Variants in ERBB4 observed in about 807,000 individuals in gnomAD.
ERBB4 encodes the protein erb-b2 receptor tyrosine kinase 4.
ERBB4 carries 42 observed loss-of-function variants against 158.0 expected under a neutral mutation model. That is an observed-to-expected ratio of 0.27 (90% CI 0.21 to 0.34). The LOEUF (loss-of-function observed/expected upper bound fraction) is 0.34. ERBB4 is among the 10% of genes least tolerant of loss of function. ERBB4 has a pLI of 1.00. For missense variants in ERBB4, 1,333 were observed against 1,624.1 expected, an observed-to-expected ratio of 0.82 and a Z score of 3.08; for synonymous variants, 583 against 558.7, an observed-to-expected ratio of 1.04 and a Z score of -0.61.
At chr2:212,187,904 A>C (rs1265320632) in intron 1 of ERBB4, among the ~76,000 whole-genome samples, 1 of 152,192 alleles carries the variant, frequency 6.6e-6, no homozygotes, top group Admixed American at 6.5e-5. Flanking sequence ...GCAATATGTT[A>C]CCACTCATTA....
rs141573959 is a variant in ERBB4, at chr2:211,699,497, G to A, written c.1489+2470C>T. ...GGTAATTATATTTCTGAAAATGGAG[G>A]CATATGGAATTTTTATGGATCCGGT... On this transcript the variant is annotated intron_variant, in intron 12 of 27. Coordinates refer to ENST00000342788, the MANE Select transcript of ERBB4 (RefSeq NM_005235.3). Among the ~76,000 whole-genome samples the A allele has an allele frequency of 3.6e-3, 549 of 152,210 alleles. 3 individuals are homozygous for A. The highest frequency in any genetic ancestry group is 5.8e-3 in the Admixed American group (88 of 15,288).
chr2:212,493,269 C>T (rs1267626400), intron 1 of ERBB4, among the ~76,000 whole-genome samples: 3 of 151,186 alleles, frequency 2.0e-5, no homozygotes, highest in African/African-American at 7.3e-5. Context: ...CTTTATTTTC[C>T]ATAGTAACTT....
At chr2:211,620,220 A>C (rs956107406) in intron 18 of ERBB4, among the ~76,000 whole-genome samples, 3 of 152,160 alleles carry the variant, frequency 2.0e-5, no homozygotes, top group African/African-American at 7.2e-5. Context: ...GAGGACAAAA[A>C]CCGAAAAATC....
chr2:211,882,175 TTTTAC>T (rs1206078627), intron 3 of ERBB4, among the ~76,000 whole-genome samples: 2 of 152,042 alleles, frequency 1.3e-5, no homozygotes, highest in Non-Finnish European at 2.9e-5. Flanking sequence ...TCCTTCTCAT[TTTTAC>T]TTGTTTCCTA....
chr2:212,446,618 T>TATATATATATATATATAC, intron 1 of ERBB4, among the ~76,000 whole-genome samples: 1 of 69,818 alleles, frequency 1.4e-5, no homozygotes, highest in Non-Finnish European at 3.0e-5. Flanking sequence ...TATATATATA[T>TATATATATATATATATAC]ATATATATAT....
chr2:212,081,611 G>A (rs983734241), intron 2 of ERBB4, among the ~76,000 whole-genome samples: 1 of 152,046 alleles, frequency 6.6e-6, no homozygotes, highest in African/African-American at 2.4e-5. Flanking sequence ...AAAGATGCAA[G>A]TGCTTATGAA....
chr2:212,487,186 G>A (rs1246410992), intron 1 of ERBB4, among the ~76,000 whole-genome samples: 1 of 152,098 alleles, frequency 6.6e-6, no homozygotes, highest in Non-Finnish European at 1.5e-5. Flanking sequence ...TGCTTTGACT[G>A]GGGAGAGGGA....
intron 13 of ERBB4, among the ~76,000 whole-genome samples, chr2:211,675,421 A>G (rs1319172843): frequency 2.6e-5 from 4 of 152,082 alleles, no homozygotes; most frequent in African/African-American, 9.7e-5. Flanking sequence ...AAAGGAAAAA[A>G]TAAGATTTCA....
At chr2:212,019,758 T>A (rs1453655771) in intron 2 of ERBB4, among the ~76,000 whole-genome samples, 15 of 106,250 alleles carry the variant, frequency 1.4e-4, no homozygotes, top group Non-Finnish European at 1.8e-4. Flanking sequence ...CAACATTCTG[T>A]AAAAAAAAAA....
chr2:211,509,162 G>A (rs35475168), intron 20 of ERBB4, among the ~76,000 whole-genome samples: 78,480 of 151,070 alleles, frequency 0.52, 20,610 homozygotes, highest in Middle Eastern at 0.56. Flanking sequence ...GGAGGGGGGA[G>A]TATCACGCAC....
intron 19 of ERBB4, among the ~76,000 whole-genome samples, chr2:211,573,563 G>T (rs554921970): frequency 4.2e-4 from 64 of 152,166 alleles, no homozygotes; most frequent in Non-Finnish European, 1.9e-4. Context: ...CCAGCTACCC[G>T]GGAGGCTGAG....
intron 1 of ERBB4, among the ~76,000 whole-genome samples, chr2:212,536,441 G>C (rs1693070317): frequency 6.6e-6 from 1 of 152,046 alleles, no homozygotes; most frequent in Non-Finnish European, 1.5e-5. Flanking sequence ...CTTTCATCTG[G>C]ATCACTTTGT....
intron 1 of ERBB4, among the ~76,000 whole-genome samples, chr2:212,133,002 T>G (rs1476329472): frequency 1.3e-5 from 2 of 152,134 alleles, no homozygotes; most frequent in Non-Finnish European, 2.9e-5. Flanking sequence ...ACAACTATTG[T>G]ATCTACAACC....
intron 9 of ERBB4, among the ~76,000 whole-genome samples, chr2:211,705,897 T>C (rs545445999): frequency 6.6e-6 from 1 of 152,296 alleles, no homozygotes; most frequent in Non-Finnish European, 1.5e-5. Context: ...TATCTACTTG[T>C]GAATTTTCAT....
chr2:211,648,142 G>A (rs535047969), intron 16 of ERBB4, among the ~76,000 whole-genome samples: 18 of 151,846 alleles, frequency 1.2e-4, no homozygotes, highest in South Asian at 4.1e-4. Flanking sequence ...TCAAATAAAC[G>A]TCTCCAATTT....
At chr2:212,288,478 G>A (rs914441345) in intron 1 of ERBB4, among the ~76,000 whole-genome samples, 1 of 152,030 alleles carries the variant, frequency 6.6e-6, no homozygotes, top group African/African-American at 2.4e-5. Context: ...GCACTGGGAG[G>A]AATGCGCACT....
intron 19 of ERBB4, among the ~76,000 whole-genome samples, chr2:211,585,143 G>A (rs1447073168): frequency 6.6e-6 from 1 of 152,062 alleles, no homozygotes; most frequent in African/African-American, 2.4e-5. Context: ...ACGAAGTCAG[G>A]AGATCGAGAC....
intron 20 of ERBB4, 122 bp downstream of exon 20, chr2:211,561,781 G>T: frequency 2.3e-6 from 2 of 869,918 alleles, no homozygotes; most frequent in Non-Finnish European, 3.8e-6. Flanking sequence ...ATCTTTCATT[G>T]CAGCAAATAT....
At chr2:211,714,263 C>T (rs1290644717) in intron 7 of ERBB4, among the ~76,000 whole-genome samples, 1 of 152,166 alleles carries the variant, frequency 6.6e-6, no homozygotes, top group African/African-American at 2.4e-5. Context: ...ATGGGATATG[C>T]CAGAACATCC....
Sources: gnomAD v4.1 joint callset for allele counts (sites outside exome capture counted in the v4.1 genomes callset) on GRCh38, gnomAD v4.1.1 for gene constraint, MANE v1.5 for transcripts, NCBI Gene and HGNC (gene_info 2026-07-23, HGNC 2026-07-21) for gene names.